The following SLC36A1 variants were observed in gnomAD, a reference collection of about 807,000 sequenced individuals.
SLC36A1 encodes solute carrier family 36 member 1.
SLC36A1 carries 30 observed loss-of-function variants against 47.5 expected under a neutral mutation model. The observed-to-expected ratio is 0.63, with a 90% CI of 0.47 to 0.86. SLC36A1 has a LOEUF of 0.86. Ranked by LOEUF, SLC36A1 falls within the 40% of genes least tolerant of loss-of-function variation. The probability of loss-of-function intolerance (pLI) is 0.00; values close to 1 mark genes in which losing one functional copy is unlikely to be tolerated. For synonymous variants in SLC36A1, 255 were observed against 249.7 expected, an observed-to-expected ratio of 1.02 and a Z score of -0.20; for missense variants, 517 against 606.0, an observed-to-expected ratio of 0.85 and a Z score of 1.54.
chr5:151,363,514 G>C, the SLC36A1 span, among the ~76,000 whole-genome samples: 1 of 151,948 alleles, frequency 6.6e-6, no homozygotes, highest in Non-Finnish European at 1.5e-5. Context: ...TTTGTTTTTG[G>C]TTTTCTGTAG....
At chr5:151,384,897 T>TAACAAAATATAAAGTCAAAA in the SLC36A1 span, among the ~76,000 whole-genome samples, 1 of 152,024 alleles carries the variant, frequency 6.6e-6, no homozygotes, top group Admixed American at 6.6e-5. Context: ...GATCTTCCAG[T>TAACAAAATATAAAGTCAAAA]AACAAAATAT....
intron 7 of SLC36A1, among the ~76,000 whole-genome samples, chr5:151,473,389 A>C (rs2127515763): frequency 6.6e-6 from 1 of 152,118 alleles, no homozygotes; most frequent in African/African-American, 2.4e-5. Flanking sequence ...GGATGGGATT[A>C]CCTAGTGAAA....
the SLC36A1 span, chr5:151,537,730 C>T: frequency 6.7e-6 from 10 of 1,481,878 alleles, no homozygotes; most frequent in African/African-American, 2.8e-5. Flanking sequence ...AATACCATGG[C>T]ACTGGGCACT....
chr5:151,410,367 T>C, the SLC36A1 span, among the ~76,000 whole-genome samples: 1 of 144,344 alleles, frequency 6.9e-6, no homozygotes, highest in Non-Finnish European at 1.5e-5. Flanking sequence ...TGTTTTATGA[T>C]GGTGAAAATA....
the SLC36A1 span, among the ~76,000 whole-genome samples, chr5:151,527,067 TC>T: frequency 6.6e-6 from 1 of 152,234 alleles, no homozygotes; most frequent in Non-Finnish European, 1.5e-5. Flanking sequence ...AGTGCCTGAT[TC>T]CCTTCAATTC....
At chr5:151,518,241 C>T in the SLC36A1 span, among the ~76,000 whole-genome samples, 1 of 151,874 alleles carries the variant, frequency 6.6e-6, no homozygotes, top group Non-Finnish European at 1.5e-5. Context: ...GAATTACATC[C>T]TCTCAGCTGA....
At chr5:151,518,561 T>C in the SLC36A1 span, among the ~76,000 whole-genome samples, 5 of 152,174 alleles carry the variant, frequency 3.3e-5, no homozygotes, top group African/African-American at 1.2e-4. Flanking sequence ...GTTCCTTGTA[T>C]GAGCAGGAGT....
chr5:151,410,895 C>T, the SLC36A1 span, among the ~76,000 whole-genome samples: 3 of 144,770 alleles, frequency 2.1e-5, 1 homozygote, highest in Admixed American at 6.8e-5. Context: ...TACAGCATCT[C>T]TTGCTTCTAT....
the SLC36A1 span, among the ~76,000 whole-genome samples, chr5:151,536,126 G>A: frequency 3.9e-5 from 6 of 152,096 alleles, no homozygotes; most frequent in Non-Finnish European, 8.8e-5. Context: ...TATCTGTGGA[G>A]GAAGGGGTTA....
intron 3 of SLC36A1, among the ~76,000 whole-genome samples, chr5:151,464,308 G>A (rs1443567505): frequency 1.3e-5 from 2 of 152,122 alleles, no homozygotes; most frequent in African/African-American, 4.8e-5. Context: ...TAAATCTCTC[G>A]AAAATGTGCT....
intron 1 of SLC36A1, among the ~76,000 whole-genome samples, chr5:151,456,040 T>A (rs1368537559): frequency 6.6e-6 from 1 of 152,198 alleles, no homozygotes; most frequent in East Asian, 1.9e-4. Flanking sequence ...GCTCTCACAT[T>A]TTAGTGCCTC....
chr5:151,526,111 C>G, the SLC36A1 span: 6 of 815,200 alleles, frequency 7.4e-6, no homozygotes, highest in East Asian at 1.6e-4. Context: ...GCTGCTCATT[C>G]ATTCTGCCTG....
intron 10 of SLC36A1, among the ~76,000 whole-genome samples, chr5:151,480,954 C>T (rs1758711168): frequency 6.6e-6 from 1 of 152,214 alleles, no homozygotes; most frequent in Non-Finnish European, 1.5e-5. Flanking sequence ...AACAGCTCCT[C>T]CACCCTGCCT....
the SLC36A1 span, among the ~76,000 whole-genome samples, chr5:151,533,542 A>T: frequency 6.6e-6 from 1 of 151,802 alleles, no homozygotes; most frequent in Non-Finnish European, 1.5e-5. Context: ...GCTAAAACTC[A>T]CTTTCTCTAG....
chr5:151,525,953 T>C, the SLC36A1 span: 2 of 1,614,036 alleles, frequency 1.2e-6, no homozygotes, highest in Non-Finnish European at 1.7e-6. Context: ...TTGCTGCCAA[T>C]GGGGGAGTTC....
the SLC36A1 span, among the ~76,000 whole-genome samples, chr5:151,355,395 C>T: frequency 6.6e-6 from 1 of 152,048 alleles, no homozygotes; most frequent in African/African-American, 2.4e-5. Flanking sequence ...GGTTACAGTG[C>T]CACAATACGA....
chr5:151,493,213 T>C (rs1451778467), downstream of SLC36A1, among the ~76,000 whole-genome samples: 1 of 152,180 alleles, frequency 6.6e-6, no homozygotes, highest in South Asian at 2.1e-4. Context: ...ATTCTCTCAC[T>C]CAATACATTT....
chr5:151,479,232 C>T, intron 9 of SLC36A1, 88 bp from the exon 10 acceptor site: 3 of 1,429,224 alleles, frequency 2.1e-6, no homozygotes, highest in East Asian at 2.3e-5. Context: ...TAAGTGTCAA[C>T]AAATCGCAAT....
the SLC36A1 span, among the ~76,000 whole-genome samples, chr5:151,411,346 T>C: frequency 6.9e-6 from 1 of 144,914 alleles, no homozygotes; most frequent in African/African-American, 2.5e-5. Flanking sequence ...TTAAGTGACC[T>C]GAACTCCTTC....
Sources: allele counts gnomAD v4.1 joint callset (sites outside exome capture counted in the v4.1 genomes callset), GRCh38; gene constraint gnomAD v4.1.1; transcripts MANE v1.5; gene names NCBI Gene and HGNC (gene_info 2026-07-23, HGNC 2026-07-21).